Variants in NAV2 observed in about 807,000 individuals in gnomAD.
NAV2 encodes the protein neuron navigator 2.
A neutral mutation model predicts 223.2 loss-of-function variants in NAV2; 54 were observed. That is an observed-to-expected ratio of 0.24 (90% CI 0.19 to 0.30). The LOEUF is 0.30. Ranked by LOEUF, NAV2 falls within the 10% of genes least tolerant of loss-of-function variation. The probability of loss-of-function intolerance (pLI) is 1.00; values close to 1 mark genes in which losing one functional copy is unlikely to be tolerated. For missense variants in NAV2, 2,806 were observed against 3,147.5 expected, an observed-to-expected ratio of 0.89 and a Z score of 2.60; for synonymous variants, 1,279 against 1,239.3, an observed-to-expected ratio of 1.03 and a Z score of -0.67.
chr11:19,375,988 G>A (rs78887605), intron 1 of NAV2, among the ~76,000 whole-genome samples: 2,538 of 152,234 alleles, frequency 0.017, 74 homozygotes, highest in African/African-American at 0.057. Flanking sequence ...GGTTTAAACT[G>A]TTGCTAAAAT....
intron 1 of NAV2, among the ~76,000 whole-genome samples, chr11:19,639,103 T>G (rs1192907004): frequency 1.3e-5 from 2 of 152,212 alleles, no homozygotes; most frequent in African/African-American, 4.8e-5. Context: ...GCTCACAAGA[T>G]TGGCCCTTGA....
intron 1 of NAV2, among the ~76,000 whole-genome samples, chr11:19,357,982 C>A (rs1003533304): frequency 2.6e-5 from 4 of 152,108 alleles, no homozygotes; most frequent in Non-Finnish European, 5.9e-5. Context: ...GGAAAAAAAA[C>A]CTGGTTACCT....
At chr11:19,839,703 T>A (rs2060411920) in intron 2 of NAV2, among the ~76,000 whole-genome samples, 1 of 152,268 alleles carries the variant, frequency 6.6e-6, no homozygotes, top group Admixed American at 6.5e-5. Context: ...AATCCTTTAA[T>A]GAAGTCTTTT....
At chr11:20,107,927 G>A (rs1039076168) in intron 36 of NAV2, 145 bp downstream of exon 36, 85 of 661,052 alleles carry the variant, frequency 1.3e-4, no homozygotes, top group Non-Finnish European at 1.8e-4. Context: ...GTAGTCCAGT[G>A]TAGGGACACA....
chr11:19,682,452 G>T (rs2048906092), intron 1 of NAV2, among the ~76,000 whole-genome samples: 3 of 152,226 alleles, frequency 2.0e-5, no homozygotes, highest in Admixed American at 6.5e-5. Context: ...ATTGTGAAGT[G>T]CTTTATATAC....
chr11:20,043,543 G>A (rs951855351), intron 12 of NAV2, among the ~76,000 whole-genome samples: 48 of 152,086 alleles, frequency 3.2e-4, no homozygotes, highest in African/African-American at 1.1e-3. Context: ...CCTCCCCGGG[G>A]TGATCCTCCC....
chr11:19,987,782 G>C (rs564016959), intron 11 of NAV2, among the ~76,000 whole-genome samples: 7 of 152,174 alleles, frequency 4.6e-5, no homozygotes, highest in Non-Finnish European at 7.3e-5. Context: ...CCACTCCTGG[G>C]CTCCAGGTTT....
intron 1 of NAV2, among the ~76,000 whole-genome samples, chr11:19,402,226 C>G (rs1462880736): frequency 6.6e-6 from 1 of 152,174 alleles, no homozygotes; most frequent in African/African-American, 2.4e-5. Context: ...AGCAAGACCA[C>G]CTGGTTCAAA....
At chr11:19,484,127 A>AGCACACACAC (rs140586290) in intron 1 of NAV2, among the ~76,000 whole-genome samples, 2 of 144,792 alleles carry the variant, frequency 1.4e-5, no homozygotes, top group African/African-American at 5.1e-5. Context: ...ACTGATCACA[A>AGCACACACAC]ACACACACAC....
intron 1 of NAV2, among the ~76,000 whole-genome samples, chr11:19,355,251 GT>G (rs34213206): frequency 0.68 from 97,516 of 142,934 alleles, 33,097 homozygotes; most frequent in South Asian, 0.81. Flanking sequence ...ATTGTTGGTT[GT>G]TTTTTTTTTT....
At chr11:20,035,035 T>C (rs1338397411) in intron 11 of NAV2, among the ~76,000 whole-genome samples, 1 of 152,114 alleles carries the variant, frequency 6.6e-6, no homozygotes. Context: ...TTTGGACTCT[T>C]AATTACCTGA....
At chr11:19,477,571 G>GT (rs2042156004) in intron 1 of NAV2, among the ~76,000 whole-genome samples, 1 of 152,138 alleles carries the variant, frequency 6.6e-6, no homozygotes, top group Admixed American at 6.5e-5. Context: ...CTGGGTCTCA[G>GT]TTTTCTCATC....
At chr11:20,044,294 G>A (rs201697361) in intron 13 of NAV2, 22 bp downstream of exon 13, 52 of 1,583,862 alleles carry the variant, frequency 3.3e-5, no homozygotes, top group Admixed American at 2.5e-4. Flanking sequence ...GGGCTGTCTT[G>A]GCCCTACAGT....
intron 10 of NAV2, among the ~76,000 whole-genome samples, chr11:19,950,738 C>T (rs1384284365): frequency 1.3e-5 from 2 of 152,150 alleles, no homozygotes; most frequent in African/African-American, 2.4e-5. Flanking sequence ...AATCAGCTCA[C>T]AAAAGGCAGA....
intron 1 of NAV2, among the ~76,000 whole-genome samples, chr11:19,739,453 C>T (rs2052608263): frequency 6.6e-6 from 1 of 152,138 alleles, no homozygotes. Flanking sequence ...GTCTGTCCCC[C>T]TTAATTGTTA....
At chr11:19,627,429 A>AG (rs1368686758) in intron 1 of NAV2, among the ~76,000 whole-genome samples, 22 of 151,942 alleles carry the variant, frequency 1.4e-4, no homozygotes, top group Non-Finnish European at 1.8e-4. Context: ...GGCTGGACCA[A>AG]GGGGTCTGTT....
Position 20,020,493 on chromosome 11 carries a change from C to T in NAV2, c.2769-15466C>T, listed in dbSNP as rs145111391. ...TTCCTCTCTCGTTGCCTGGGTCTCC[C>T]TTATCCCTACTAATTATTATCTTTC... On this transcript the variant is annotated intron_variant, in intron 11 of 37. Coordinates refer to ENST00000349880, the MANE Select transcript of NAV2 (RefSeq NM_145117.5). Among the ~76,000 whole-genome samples the T allele has an allele frequency of 5.0e-3, 759 of 152,332 alleles. 2 individuals are homozygous for T. The highest frequency in any genetic ancestry group is 0.017 in the African/African-American group (691 of 41,574).
chr11:20,035,022 G>A (rs1220214640), intron 11 of NAV2, among the ~76,000 whole-genome samples: 5 of 152,166 alleles, frequency 3.3e-5, no homozygotes, highest in Non-Finnish European at 7.3e-5. Context: ...GCCATATAGA[G>A]AGTTTGGACT....
intron 1 of NAV2, among the ~76,000 whole-genome samples, chr11:19,729,230 A>G (rs2051521468): frequency 6.6e-6 from 1 of 152,166 alleles, no homozygotes; most frequent in Non-Finnish European, 1.5e-5. Context: ...AGCAAGCAGG[A>G]ATGGGATCCT....
Sources: gnomAD v4.1 joint callset for allele counts (sites outside exome capture counted in the v4.1 genomes callset) on GRCh38, gnomAD v4.1.1 for gene constraint, MANE v1.5 for transcripts, NCBI Gene and HGNC (gene_info 2026-07-23, HGNC 2026-07-21) for gene names.